STX8: variants seen among roughly 807,000 people sequenced by gnomAD.
STX8 encodes the protein syntaxin 8, also known as syntaxin-8.
STX8 carries 23 observed loss-of-function variants against 37.5 expected under a neutral mutation model. The ratio of observed to expected loss-of-function variants is 0.61; its 90% CI spans 0.44 to 0.87. The LOEUF is 0.87. Ranked by LOEUF, STX8 falls within the 40% of genes least tolerant of loss-of-function variation. The pLI, the probability that STX8 is intolerant of heterozygous loss-of-function variation, is 0.00. For missense variants in STX8, 313 were observed against 284.7 expected (o/e 1.10, Z -0.71); for synonymous variants, 115 against 99.1 (o/e 1.16, Z -0.95).
At chr17:9,310,958 GC>G (rs1367747343) in intron 7 of STX8, among the ~76,000 whole-genome samples, 1 of 152,158 alleles carries the variant, frequency 6.6e-6, no homozygotes, top group African/African-American at 2.4e-5. Context: ...GGAGGAGTCG[GC>G]CGGGTGCAAT....
At chr17:9,381,525 C>A (rs188066411) in intron 6 of STX8, among the ~76,000 whole-genome samples, 1 of 152,286 alleles carries the variant, frequency 6.6e-6, no homozygotes, top group Admixed American at 6.5e-5. Context: ...TTCCTACAAA[C>A]CTCTTATTTA....
intron 3 of STX8, among the ~76,000 whole-genome samples, chr17:9,555,975 C>T (rs777273571): frequency 3.3e-5 from 5 of 151,938 alleles, no homozygotes; most frequent in Non-Finnish European, 7.4e-5. Flanking sequence ...AAATAAAAAC[C>T]CTTTATATGA....
At chr17:9,471,746 T>C (rs1032873023) in intron 6 of STX8, among the ~76,000 whole-genome samples, 1 of 152,156 alleles carries the variant, frequency 6.6e-6, no homozygotes, top group Non-Finnish European at 1.5e-5. Context: ...CAACTCATCG[T>C]TGGGGTAATT....
At chr17:9,269,913 C>T (rs1256177024) in intron 7 of STX8, among the ~76,000 whole-genome samples, 3 of 152,196 alleles carry the variant, frequency 2.0e-5, no homozygotes, top group Non-Finnish European at 4.4e-5. Flanking sequence ...CCTCCTCCCC[C>T]ATGCCCAGGG....
At chr17:9,373,734 G>A (rs1597631097) in intron 7 of STX8, among the ~76,000 whole-genome samples, 2 of 152,258 alleles carry the variant, frequency 1.3e-5, no homozygotes, top group Middle Eastern at 3.4e-3. Context: ...GAGGCTGGGA[G>A]TTTGAGACCA....
At chr17:9,418,520 A>C (rs1313208253) in intron 6 of STX8, among the ~76,000 whole-genome samples, 4 of 150,436 alleles carry the variant, frequency 2.7e-5, no homozygotes, top group African/African-American at 4.9e-5. Context: ...TTTTTCTAAA[A>C]AAAAAAAAAA....
chr17:9,272,603 C>T lies in STX8; in HGVS notation c.644-21958G>A, dbSNP rs987151284. 1.2e-4 allele frequency among the ~76,000 whole-genome samples: 18 copies of T among 152,258 alleles called. No homozygotes were observed. The South Asian group carries it at 2.9e-3, about 24-fold the overall frequency. On this transcript the variant is annotated intron_variant, in intron 7 of 7. Transcript: ENST00000306357. ...CCCAGAGCGTACCCCGAAGCTAGCG[C>T]GCCAGCGAGCTAGTTTTAAAGCACA...
At chr17:9,571,108 C>CTATG (rs1348014381) in intron 1 of STX8, among the ~76,000 whole-genome samples, 3 of 152,090 alleles carry the variant, frequency 2.0e-5, no homozygotes, top group Non-Finnish European at 4.4e-5. Flanking sequence ...AATTTCAGAG[C>CTATG]CATAGAGAAC....
intron 7 of STX8, among the ~76,000 whole-genome samples, chr17:9,322,669 G>T (rs888802417): frequency 7.2e-5 from 11 of 152,058 alleles, no homozygotes; most frequent in African/African-American, 2.7e-4. Context: ...AGTTCTCTTG[G>T]ATCCCTTGTT....
At chr17:9,441,323 C>T (rs1184631842) in intron 6 of STX8, among the ~76,000 whole-genome samples, 1 of 151,792 alleles carries the variant, frequency 6.6e-6, no homozygotes, top group Non-Finnish European at 1.5e-5. Flanking sequence ...AACCCTGTCT[C>T]TACTAAAAAT....
chr17:9,345,997 A>ATG (rs1910522862), intron 7 of STX8, among the ~76,000 whole-genome samples: 1 of 151,646 alleles, frequency 6.6e-6, no homozygotes, highest in Admixed American at 6.6e-5. Flanking sequence ...AATTACAGGC[A>ATG]CACGCCACCA....
chr17:9,559,760 A>ATATATATATATATTTT, intron 2 of STX8, among the ~76,000 whole-genome samples: 24 of 24,492 alleles, frequency 9.8e-4, no homozygotes, highest in Non-Finnish European at 1.3e-3. Flanking sequence ...ATATATATAT[A>ATATATATATATATTTT]TTTTTTTTTT....
chr17:9,575,636 G>A (rs1352817345), intron 1 of STX8, among the ~76,000 whole-genome samples, 156 bp downstream of exon 1: 1 of 152,294 alleles, frequency 6.6e-6, no homozygotes, highest in African/African-American at 2.4e-5. Flanking sequence ...AGTGTGGCGG[G>A]ATGTGGCTGA....
intron 7 of STX8, among the ~76,000 whole-genome samples, chr17:9,310,600 A>G (rs899114858): frequency 2.6e-5 from 4 of 152,102 alleles, no homozygotes; most frequent in African/African-American, 9.7e-5. Flanking sequence ...AAGAGTGTGC[A>G]CCTGTTTTGG....
chr17:9,491,720 A>C (rs1906858522), intron 6 of STX8, 109 bp downstream of exon 6: 5 of 916,132 alleles, frequency 5.5e-6, no homozygotes, highest in Non-Finnish European at 8.3e-6. Context: ...ACAATCATTG[A>C]CATTAAACCA....
chr17:9,402,293 G>A (rs767401296), intron 6 of STX8, among the ~76,000 whole-genome samples: 1 of 151,920 alleles, frequency 6.6e-6, no homozygotes, highest in Non-Finnish European at 1.5e-5. Flanking sequence ...CAAATTTTTT[G>A]TATTTTTAGT....
chr17:9,552,518 G>C (rs1364353138), intron 3 of STX8, among the ~76,000 whole-genome samples: 1 of 152,156 alleles, frequency 6.6e-6, no homozygotes, highest in East Asian at 1.9e-4. Flanking sequence ...AATCTGTTCA[G>C]TCAGCCTCTC....
chr17:9,481,652 A>T (rs1236735088), intron 6 of STX8, among the ~76,000 whole-genome samples: 2 of 152,182 alleles, frequency 1.3e-5, no homozygotes, highest in African/African-American at 4.8e-5. Context: ...ATGCTATAGC[A>T]GGGGTCCCCC....
chr17:9,417,275 TAC>T (rs577735755), intron 6 of STX8, among the ~76,000 whole-genome samples: 83 of 152,286 alleles, frequency 5.5e-4, no homozygotes, highest in Middle Eastern at 6.8e-3. Flanking sequence ...GTTAGATGAT[TAC>T]AGAGTTAGGG....
Sources: gnomAD v4.1 joint callset for allele counts (sites outside exome capture counted in the v4.1 genomes callset) on GRCh38, gnomAD v4.1.1 for gene constraint, MANE v1.5 for transcripts, NCBI Gene and HGNC (gene_info 2026-07-23, HGNC 2026-07-21) for gene names.